Variants in GRM5 observed in about 807,000 individuals in gnomAD.
GRM5 encodes the protein glutamate metabotropic receptor 5.
In GRM5, 19 loss-of-function variants were observed where a neutral mutation model predicts 83.1. The ratio of observed to expected loss-of-function variants is 0.23; its 90% CI spans 0.16 to 0.34. The LOEUF (loss-of-function observed/expected upper bound fraction) is 0.34, where lower values mean the gene tolerates loss of function less well. Ranked by LOEUF, GRM5 falls within the 10% of genes least tolerant of loss-of-function variation. The pLI, the probability that GRM5 is intolerant of heterozygous loss-of-function variation, is 1.00. For missense variants in GRM5, 1,160 were observed against 1,588.3 expected (o/e 0.73, Z 4.58); for synonymous variants, 675 against 633.6 (o/e 1.07, Z -0.98).
chr11:88,551,922 T>C (rs888192311), intron 8 of GRM5, among the ~76,000 whole-genome samples: 1 of 152,180 alleles, frequency 6.6e-6, no homozygotes, highest in Admixed American at 6.5e-5. Flanking sequence ...GGTAGGAAGA[T>C]ATTTAGGCAA....
chr11:88,687,579 A>ATATATATTATATAT (rs1250226972), intron 3 of GRM5, among the ~76,000 whole-genome samples: 1 of 46,878 alleles, frequency 2.1e-5, no homozygotes, highest in Non-Finnish European at 3.2e-5. Context: ...ATATATATAT[A>ATATATATTATATAT]ATATATATAT....
chr11:88,754,399 T>C (rs978116743), intron 3 of GRM5, among the ~76,000 whole-genome samples: 46 of 152,264 alleles, frequency 3.0e-4, no homozygotes, highest in African/African-American at 1.1e-3. Flanking sequence ...ATAACGAACC[T>C]GCCCATCCTG....
At chr11:88,663,297 A>G (rs1939953447) in intron 3 of GRM5, among the ~76,000 whole-genome samples, 1 of 152,188 alleles carries the variant, frequency 6.6e-6, no homozygotes, top group African/African-American at 2.4e-5. Context: ...GGCAGGCATT[A>G]TCTCCTCTGG....
At chr11:88,630,847 G>A (rs1025822879) in intron 4 of GRM5, among the ~76,000 whole-genome samples, 1 of 151,932 alleles carries the variant, frequency 6.6e-6, no homozygotes, top group African/African-American at 2.4e-5. Flanking sequence ...CAAAGTGCTG[G>A]GATTACAGGC....
intron 3 of GRM5, among the ~76,000 whole-genome samples, chr11:88,742,423 A>G (rs1285968076): frequency 6.6e-6 from 1 of 152,104 alleles, no homozygotes; most frequent in Non-Finnish European, 1.5e-5. Context: ...ATTTACATTA[A>G]TGGCTAGAGA....
intron 3 of GRM5, among the ~76,000 whole-genome samples, chr11:88,766,410 A>G (rs549320971): frequency 2.8e-4 from 42 of 152,148 alleles, no homozygotes; most frequent in African/African-American, 9.6e-4. Context: ...TCACACACCT[A>G]CAACTATCAG....
Position 88,763,126 on chromosome 11 carries a change from G to A in GRM5, c.911+86780C>T, listed in dbSNP as rs552257036. ...TTTGTACAACAAACCCCCATGACACGAGTTTACCTATATAGCAAACCTGCA... is the reference window on the plus strand; with the variant it reads ...TTTGTACAACAAACCCCCATGACACAAGTTTACCTATATAGCAAACCTGCA... On this transcript the variant is annotated intron_variant, in intron 3 of 9. Transcript: ENST00000305447. 5.3e-5 allele frequency among the ~76,000 whole-genome samples: 8 copies of A among 151,842 alleles called. No homozygotes were observed. In the South Asian group the frequency reaches 1.5e-3, roughly 28 times the overall value.
At chr11:88,735,128 T>C (rs1941886101) in intron 3 of GRM5, among the ~76,000 whole-genome samples, 1 of 152,074 alleles carries the variant, frequency 6.6e-6, no homozygotes, top group Admixed American at 6.6e-5. Flanking sequence ...AAAATCATCT[T>C]ATATAACTCG....
intron 2 of GRM5, among the ~76,000 whole-genome samples, chr11:89,017,624 G>A (rs1591051518): frequency 6.6e-6 from 1 of 152,162 alleles, no homozygotes; most frequent in South Asian, 2.1e-4. Context: ...AATGGCCAAG[G>A]TAACAGAGCT....
chr11:88,680,088 T>A lies in GRM5; in HGVS notation c.912-26685A>T, dbSNP rs564370406. The stretch of plus-strand genomic sequence containing the variant: ...CTCAACATCAAACTAATTTTTTTAA[T>A]TTTTGTTTATACTTTAAGTTCTAGG... On this transcript the variant is annotated intron_variant, in intron 3 of 9. Coordinates refer to ENST00000305447, the MANE Select transcript of GRM5 (RefSeq NM_001143831.3). Among the ~76,000 whole-genome samples the A allele has an allele frequency of 1.1e-4, 17 of 152,272 alleles. No individual in the cohort carries two copies. In the South Asian group the frequency reaches 3.1e-3, roughly 28 times the overall value.
chr11:88,617,066 T>A (rs1322864047), intron 4 of GRM5, among the ~76,000 whole-genome samples: 1 of 152,194 alleles, frequency 6.6e-6, no homozygotes, highest in Non-Finnish European at 1.5e-5. Flanking sequence ...TCTCAGATTG[T>A]CAAGTCAGTT....
At chr11:88,878,066 T>G in intron 2 of GRM5, among the ~76,000 whole-genome samples, 1 of 152,070 alleles carries the variant, frequency 6.6e-6, no homozygotes, top group East Asian at 1.9e-4. Flanking sequence ...CTCAGCAATC[T>G]TATTGTAATC....
At chr11:88,611,931 T>A (rs1014470417) in intron 4 of GRM5, among the ~76,000 whole-genome samples, 21 of 152,150 alleles carry the variant, frequency 1.4e-4, no homozygotes, top group African/African-American at 4.8e-4. Context: ...GCCTTTGTTT[T>A]CATTAGTTTC....
At chr11:88,628,175 T>G (rs1310275833) in intron 4 of GRM5, among the ~76,000 whole-genome samples, 1 of 152,192 alleles carries the variant, frequency 6.6e-6, no homozygotes, top group Non-Finnish European at 1.5e-5. Flanking sequence ...GCATGCATTC[T>G]CTACTTCTCT....
intron 9 of GRM5, chr11:88,512,142 A>C (rs1941390312): frequency 6.5e-6 from 1 of 154,220 alleles, no homozygotes; most frequent in South Asian, 2.0e-4. Context: ...CCAAAACATG[A>C]TAGCATGTTG....
intron 2 of GRM5, among the ~76,000 whole-genome samples, chr11:88,900,021 C>G (rs1316063527): frequency 1.3e-5 from 2 of 151,866 alleles, no homozygotes. Flanking sequence ...GAGACCGTCT[C>G]ATATTAATTA....
At chr11:88,929,057 T>A (rs1289097) in intron 2 of GRM5, among the ~76,000 whole-genome samples, 71,004 of 151,722 alleles carry the variant, frequency 0.47, 17,670 homozygotes, top group African/African-American at 0.63. Context: ...TCAAGTAAAT[T>A]GACATATCTA....
chr11:88,715,782 G>A (rs533101320), intron 3 of GRM5, among the ~76,000 whole-genome samples: 45 of 152,108 alleles, frequency 3.0e-4, no homozygotes, highest in African/African-American at 1.1e-3. Context: ...ATTCCTGCCT[G>A]AATTTGCTCA....
chr11:88,570,567 A>ATT (rs1942969307), intron 7 of GRM5, among the ~76,000 whole-genome samples: 2 of 71,598 alleles, frequency 2.8e-5, no homozygotes, highest in East Asian at 3.0e-4. Flanking sequence ...ATATATATAT[A>ATT]TATATTTTTT....
Sources: gnomAD v4.1 joint callset for allele counts (sites outside exome capture counted in the v4.1 genomes callset) on GRCh38, gnomAD v4.1.1 for gene constraint, MANE v1.5 for transcripts, NCBI Gene and HGNC (gene_info 2026-07-23, HGNC 2026-07-21) for gene names.